The following ODAD3 variants were observed in gnomAD, a reference collection of about 807,000 sequenced individuals.
ODAD3 encodes outer dynein arm docking complex subunit 3.
A neutral mutation model predicts 70.9 loss-of-function variants in ODAD3; 57 were observed. The observed-to-expected ratio is 0.80, with a 90% confidence interval of 0.65 to 1.00. The LOEUF is 1.00. Among genes scored for constraint, ODAD3 ranks in the 50% least tolerant of loss-of-function variants. The pLI, the probability that ODAD3 is intolerant of heterozygous loss-of-function variation, is 0.00. For synonymous variants in ODAD3, 327 were observed against 315.9 expected, an observed-to-expected ratio of 1.04 and a Z score of -0.37; for missense variants, 797 against 763.9, an observed-to-expected ratio of 1.04 and a Z score of -0.51.
chr19:11,429,504 G>C (rs1969458713), intron 3 of ODAD3, among the ~76,000 whole-genome samples: 1 of 151,924 alleles, frequency 6.6e-6, no homozygotes, highest in Non-Finnish European at 1.5e-5. Flanking sequence ...TCTGCCTCTT[G>C]GGTTCAAGCA....
At position 11,421,117 on chromosome 19, in the gene ODAD3, C is replaced by T. The variant is rs1425473915; in HGVS notation, c.1675+11G>A. ...CCAACCGCACCCCTTCATCCCCCCA[C>T]CCATACTGACCAAAAAACTTGTCCT... On this transcript the variant is annotated intron_variant, in intron 12 of 12. Coordinates refer to ENST00000356392, the MANE Select transcript of ODAD3 (RefSeq NM_145045.5). 1.1e-5 allele frequency: 17 copies of T among 1,613,240 alleles called. No individual in the cohort carries two copies. Among genetic ancestry groups the T allele is most frequent in the Non-Finnish European group, 1.4e-5 (16 of 1,179,780 alleles).
chr19:11,425,146 CATATGTATATATACAT>C (rs1435866504), intron 7 of ODAD3, among the ~76,000 whole-genome samples: 5 of 97,046 alleles, frequency 5.2e-5, no homozygotes, highest in Non-Finnish European at 9.6e-5. Flanking sequence ...TGTATATGTA[CATATGTATATATACAT>C]ATGTGTATAT....
At chr19:11,431,100 T>G in intron 1 of ODAD3, 80 bp from the exon 2 acceptor site, 2 of 1,553,636 alleles carry the variant, frequency 1.3e-6, no homozygotes, top group Admixed American at 4.2e-5. Flanking sequence ...AAGACCTTTT[T>G]TGCAATCATC....
chr19:11,428,575 G>T (rs1969435521), intron 3 of ODAD3, among the ~76,000 whole-genome samples: 1 of 151,760 alleles, frequency 6.6e-6, no homozygotes, highest in African/African-American at 2.4e-5. Flanking sequence ...TTCAGACAAG[G>T]CCTTGCTTTG....
intron 12 of ODAD3, 89 bp from the exon 13 acceptor site, chr19:11,421,036 C>A: frequency 6.3e-7 from 1 of 1,578,572 alleles, no homozygotes. Context: ...CCACTCCACC[C>A]CCACCTTGGC....
Position 11,423,882 on chromosome 19 carries a change from T to C in ODAD3, c.1111A>G (p.Thr371Ala), listed in dbSNP as rs546138389. Residue 371 changes from threonine to alanine, a missense_variant, in exon 8 of 13, where the codon ACG (threonine) becomes GCG (alanine). Physicochemically the swap from Thr to Ala is moderately conservative, Grantham distance 58. Transcript: ENST00000356392. ...KVKDATGTDE[T>A]HSLVRRFLAQ... ...GGGCTGCGGGCAGAACTCACGTGCG[T>C]CTCGTCAGTGCCAGTGGCGTCCTTG... The C allele has an allele frequency of 2.2e-5, 36 of 1,607,668 alleles. No individual in the cohort carries two copies. Among genetic ancestry groups the C allele is most frequent in the Non-Finnish European group, 3.1e-5 (36 of 1,177,466 alleles).
chr19:11,421,895 G>C, intron 10 of ODAD3, 63 bp from the exon 11 acceptor site: 1 of 1,536,636 alleles, frequency 6.5e-7, no homozygotes, highest in Non-Finnish European at 8.7e-7. Flanking sequence ...GCTCCACCCA[G>C]GGGCGGGGCT....
In ODAD3 at chr19:11,421,664, G is replaced by A. The variant is rs1242377635; in HGVS notation, c.1590+13C>T. 12 of 1,608,856 alleles carry A rather than the reference G, an allele frequency of 7.5e-6. No individual in the cohort carries two copies. Among genetic ancestry groups the A allele is most frequent in the Non-Finnish European group, 1.0e-5 (12 of 1,177,304 alleles). On this transcript the variant is annotated intron_variant, in intron 11 of 12. Transcript: ENST00000356392. ...CTAGATCTCTGGAGCTCTGCCCCATGGCTGCAGGGCACCTCGCGGTTAGCG... is the reference window on the plus strand; with the variant it reads ...CTAGATCTCTGGAGCTCTGCCCCATAGCTGCAGGGCACCTCGCGGTTAGCG...
Position 11,435,029 on chromosome 19 carries a change from G to T in ODAD3, c.-13C>A. Reference sequence around the variant, plus strand: ...GAGGAGATGTCATGATGGGGTTGGGGCTGAAGGCCCCTAGGGGTTAGGGGG... The same window carrying T: ...GAGGAGATGTCATGATGGGGTTGGGTCTGAAGGCCCCTAGGGGTTAGGGGG... On this transcript the variant is annotated 5_prime_UTR_variant, in exon 1 of 13. Coordinates refer to ENST00000356392, the MANE Select transcript of ODAD3 (RefSeq NM_145045.5). 6.2e-7 allele frequency: 1 copy of T among 1,604,874 alleles called. No individual in the cohort carries two copies.
chr19:11,435,054 G>A lies in ODAD3; in HGVS notation c.-38C>T. The A allele has an allele frequency of 6.4e-7, 1 of 1,565,944 alleles. No individual in the cohort carries two copies. Among genetic ancestry groups the A allele is most frequent in the Non-Finnish European group, 8.6e-7 (1 of 1,158,778 alleles). The stretch of plus-strand genomic sequence containing the variant: ...GCTGAAGGCCCCTAGGGGTTAGGGG[G>A]ATAACTAGGAGTCAGTCGCCCCTGT... On this transcript the variant is annotated 5_prime_UTR_variant, in exon 1 of 13. Coordinates refer to ENST00000356392, the MANE Select transcript of ODAD3 (RefSeq NM_145045.5).
chr19:11,421,763 G>A lies in ODAD3; in HGVS notation c.1504C>T (p.Leu502Phe), dbSNP rs1395767878. 2 of 1,613,306 alleles carry A rather than the reference G, an allele frequency of 1.2e-6. No homozygotes were observed. Among genetic ancestry groups the A allele is most frequent in the East Asian group, 2.2e-5 (1 of 44,898 alleles). ...ADNYVPNLLG[L>F]VEEKLLKLQA... Reference sequence around the variant, plus strand: ...AGTTTCAGCAGCTTTTCCTCCACGAGGCCCAGCAGGTTTGGCACATAGTTA... The same window carrying A: ...AGTTTCAGCAGCTTTTCCTCCACGAAGCCCAGCAGGTTTGGCACATAGTTA... The change falls in exon 11 of 13, where the codon CTC (leucine) becomes TTC (phenylalanine). Residue 502 changes from leucine to phenylalanine, a missense_variant. Physicochemically the swap from Leu to Phe is conservative, Grantham distance 22. Transcript: ENST00000356392.
rs1368216621 is a variant in ODAD3, at chr19:11,430,851, C to T, written c.366+48G>A. On this transcript the variant is annotated intron_variant, in intron 2 of 12. Transcript: ENST00000356392. ...GGCCAGGTGCTACCTACTTGTCCCC[C>T]ACCATCCACCGCCACGGGAACCCTA... 2.5e-6 allele frequency: 4 copies of T among 1,613,860 alleles called. No individual in the cohort carries two copies. In the Admixed American group the frequency reaches 5.0e-5, roughly 20 times the overall value.
rs1969347432 is a variant in ODAD3 at position 11,425,636 on chromosome 19, T to TACGCATATACGCATATATGCATATACGC, written c.963+507_963+508insGCGTATATGCATATATGCGTATATGCGT. On this transcript the variant is annotated intron_variant, in intron 7 of 12. Transcript: ENST00000356392. ...ATATATGCATATATGCATATATGTA[T>TACGCATATACGCATATATGCATATACGC]ATATATGTATATACGTATATATATA... is the stretch of plus-strand genomic sequence containing the variant. Among the ~76,000 whole-genome samples, 1,255 of 140,216 alleles carry TACGCATATACGCATATATGCATATACGC rather than the reference T, an allele frequency of 9.0e-3. 125 individuals are homozygous for TACGCATATACGCATATATGCATATACGC. Among genetic ancestry groups the TACGCATATACGCATATATGCATATACGC allele is most frequent in the African/African-American group, 0.036 (1,201 of 33,802 alleles). 92.0% of individuals were successfully genotyped at this position (140,216 alleles called of 152,430 possible).
At position 11,422,378 on chromosome 19, in the gene ODAD3, T is replaced by A; in HGVS notation, c.1434+93A>T. 7.0e-7 allele frequency: 1 copy of A among 1,419,844 alleles called. No homozygotes were observed. Among genetic ancestry groups the A allele is most frequent in the Non-Finnish European group, 9.3e-7 (1 of 1,074,312 alleles). The allele number at this position is 1,419,844 out of a possible 1,614,324, so 88.0% of individuals were successfully genotyped here. A position where few individuals can be genotyped will look rare whatever the true frequency, so the allele number is the denominator to read the frequency against. ...AGAGGATGTGGCAGGCCACGTTCCC[T>A]CGGGCAAGCTGGTGTGGCAGGAACC... On this transcript the variant is annotated intron_variant, in intron 10 of 12. Coordinates refer to ENST00000356392, the MANE Select transcript of ODAD3 (RefSeq NM_145045.5). The surrounding 1 kb of genome is among the most constrained non-coding windows in gnomAD (Gnocchi z 4.6).
chr19:11,435,550 C>A (rs1019449576), upstream of ODAD3: 4 of 604,796 alleles, frequency 6.6e-6, no homozygotes, highest in African/African-American at 5.7e-5. Flanking sequence ...CCCACTCCTG[C>A]CTCTCCCAAC....
At chr19:11,430,038 T>G (rs1969471163) in intron 3 of ODAD3, among the ~76,000 whole-genome samples, 1 of 152,104 alleles carries the variant, frequency 6.6e-6, no homozygotes, top group Non-Finnish European at 1.5e-5. Context: ...TCTCACTCTG[T>G]CTCCCAGGCT....
upstream of ODAD3, chr19:11,435,298 C>T: frequency 2.1e-6 from 2 of 940,826 alleles, no homozygotes; most frequent in African/African-American, 1.7e-5. Flanking sequence ...AGAGCCGCGC[C>T]GCAGGACGGA....
intron 10 of ODAD3, 51 bp from the exon 11 acceptor site, chr19:11,421,883 A>G: frequency 1.3e-6 from 2 of 1,569,630 alleles, no homozygotes; most frequent in Non-Finnish European, 1.7e-6. Context: ...GCCTCTTGGA[A>G]GGCTCCACCC....
At chr19:11,426,841 C>T in intron 4 of ODAD3, 32 bp downstream of exon 4, 2 of 1,612,306 alleles carry the variant, frequency 1.2e-6, no homozygotes, top group Non-Finnish European at 1.7e-6. Flanking sequence ...TCCCACACGA[C>T]CCTCTGCCCT....
Sources: gnomAD v4.1 joint callset for allele counts (sites outside exome capture counted in the v4.1 genomes callset) on GRCh38, gnomAD v4.1.1 for gene constraint, Gnocchi (gnomAD v3.1) non-coding constraint, MANE v1.5 for transcripts, NCBI Gene and HGNC (gene_info 2026-07-23, HGNC 2026-07-21) for gene names.